AIG1: variants seen among roughly 807,000 people sequenced by gnomAD.
AIG1 encodes the protein androgen induced 1.
AIG1 carries 23 observed loss-of-function variants against 31.4 expected under a neutral mutation model. The ratio of observed to expected loss-of-function variants is 0.73; its 90% CI spans 0.53 to 1.04. The LOEUF (loss-of-function observed/expected upper bound fraction) is 1.04. Ranked by LOEUF, AIG1 falls within the 50% of genes least tolerant of loss-of-function variation. The pLI is 0.00. For missense variants in AIG1, 274 were observed against 295.0 expected (o/e 0.93, Z 0.52); for synonymous variants, 100 against 110.5 (o/e 0.90, Z 0.60).
chr6:143,178,262 G>A (rs889824951), intron 3 of AIG1, among the ~76,000 whole-genome samples: 1 of 152,188 alleles, frequency 6.6e-6, no homozygotes. Flanking sequence ...GTGGTGGGAT[G>A]TCCCAGGGAC....
intron 1 of AIG1, among the ~76,000 whole-genome samples, chr6:143,130,276 G>A (rs1408420675): frequency 6.6e-6 from 1 of 151,972 alleles, no homozygotes; most frequent in Non-Finnish European, 1.5e-5. Flanking sequence ...TTGAGATGCT[G>A]GCTATCCTGA....
Position 143,334,029 on chromosome 6 carries a change from A to T in AIG1, c.679+584A>T. 6.5e-7 allele frequency: 1 copy of T among 1,541,160 alleles called. No individual in the cohort carries two copies. Among genetic ancestry groups the T allele is most frequent in the Non-Finnish European group, 8.8e-7 (1 of 1,142,276 alleles). Reference sequence around the variant, plus strand: ...AAGATAATATTTCGTGGCTGGAAAAACTCTTTTAACCTGTGATTTGATTTC... The same window carrying T: ...AAGATAATATTTCGTGGCTGGAAAATCTCTTTTAACCTGTGATTTGATTTC... On this transcript the variant is annotated intron_variant, in intron 5 of 5. Coordinates refer to ENST00000357847, the MANE Select transcript of AIG1 (RefSeq NM_016108.4). The surrounding 1 kb of genome is among the most constrained non-coding windows in gnomAD (Gnocchi z 5.1).
chr6:143,290,446 C>T (rs959697547), intron 4 of AIG1, among the ~76,000 whole-genome samples: 2 of 152,200 alleles, frequency 1.3e-5, no homozygotes, highest in African/African-American at 4.8e-5. Flanking sequence ...GGGCCGCATG[C>T]GCAGTGTGTT....
chr6:143,294,010 C>G (rs937374674), intron 4 of AIG1, among the ~76,000 whole-genome samples: 1 of 152,174 alleles, frequency 6.6e-6, no homozygotes, highest in Non-Finnish European at 1.5e-5. Context: ...TAAACAGGGA[C>G]TCCTTCGATC....
intron 3 of AIG1, among the ~76,000 whole-genome samples, chr6:143,233,795 T>C (rs1233128239): frequency 6.6e-6 from 1 of 152,228 alleles, no homozygotes; most frequent in Non-Finnish European, 1.5e-5. Context: ...CAGTTCACTA[T>C]GTGCAGAAAA....
At chr6:143,287,579 C>T (rs1364835997) in intron 4 of AIG1, among the ~76,000 whole-genome samples, 2 of 151,946 alleles carry the variant, frequency 1.3e-5, no homozygotes, top group African/African-American at 4.8e-5. Context: ...TACATAAGAA[C>T]CAGCCAAGCC....
At chr6:143,074,958 C>T (rs1457181230) in intron 1 of AIG1, among the ~76,000 whole-genome samples, 1 of 152,144 alleles carries the variant, frequency 6.6e-6, no homozygotes, top group African/African-American at 2.4e-5. Flanking sequence ...CAGTGAAAAC[C>T]ACTGGGCTTG....
intron 3 of AIG1, among the ~76,000 whole-genome samples, chr6:143,267,554 C>T (rs538375556): frequency 6.6e-4 from 101 of 152,290 alleles, no homozygotes; most frequent in African/African-American, 2.2e-3. Flanking sequence ...AATAGTCTTT[C>T]TCTCATCTTT....
chr6:143,246,848 G>T (rs1794655482), intron 3 of AIG1, among the ~76,000 whole-genome samples: 1 of 152,190 alleles, frequency 6.6e-6, no homozygotes, highest in African/African-American at 2.4e-5. Context: ...TGCTAGTTCA[G>T]GGGTTCCCAA....
chr6:143,101,238 G>A (rs1051443866), intron 1 of AIG1, among the ~76,000 whole-genome samples: 3 of 151,948 alleles, frequency 2.0e-5, no homozygotes, highest in South Asian at 4.2e-4. Context: ...GTAGCATCTC[G>A]GAGACCACTG....
chr6:143,339,532 G>A lies in AIG1; in HGVS notation c.680-107G>A, dbSNP rs1046031193. 1.2e-5 allele frequency: 14 copies of A among 1,146,016 alleles called. No individual in the cohort carries two copies. The South Asian group carries it at 1.8e-4, about 15-fold the overall frequency. 71.0% of individuals were successfully genotyped at this position (1,146,016 alleles called of 1,614,324 possible). ...TGTGTCAGGAGGGTGAATGGGAGAA[G>A]TGAGGGCAGATGAGTGGATGTGTGA... On this transcript the variant is annotated intron_variant, in intron 5 of 5. Transcript: ENST00000357847.
intron 3 of AIG1, among the ~76,000 whole-genome samples, chr6:143,200,557 G>T (rs185834564): frequency 6.6e-6 from 1 of 151,976 alleles, no homozygotes; most frequent in Non-Finnish European, 1.5e-5. Context: ...TCTTTCAACC[G>T]ACTCTGAATC....
chr6:143,116,509 T>A (rs1781751489), intron 1 of AIG1, among the ~76,000 whole-genome samples: 1 of 151,702 alleles, frequency 6.6e-6, no homozygotes. Flanking sequence ...TGACGAAGGA[T>A]GTAAAAACTG....
intron 1 of AIG1, among the ~76,000 whole-genome samples, chr6:143,087,989 G>A (rs1778958159): frequency 6.6e-6 from 1 of 152,144 alleles, no homozygotes; most frequent in Non-Finnish European, 1.5e-5. Context: ...ATAAAATTCA[G>A]TGATATCAGG....
chr6:143,279,760 C>T lies in AIG1; in HGVS notation c.400-4350C>T, dbSNP rs1290538337. Among the ~76,000 whole-genome samples the T allele has an allele frequency of 6.6e-6, 1 of 152,110 alleles. No individual in the cohort carries two copies. Among genetic ancestry groups the T allele is most frequent in the Non-Finnish European group, 1.5e-5 (1 of 68,016 alleles). On this transcript the variant is annotated intron_variant, in intron 3 of 5. Transcript: ENST00000357847. The surrounding 1 kb of genome is among the most constrained non-coding windows in gnomAD (Gnocchi z 5.4). ...AATAAATCAGGATAGATTTAGGCTT[C>T]GTTTTTTGGACACAATCTTCCAAAT...
chr6:143,073,312 A>G (rs1374365230), intron 1 of AIG1, among the ~76,000 whole-genome samples: 1 of 152,242 alleles, frequency 6.6e-6, no homozygotes, highest in Non-Finnish European at 1.5e-5. Context: ...GGCTATTGTG[A>G]ATGATGCTGC....
rs187066177 is a variant in AIG1, at chr6:143,268,012, T to C, written c.400-16098T>C. ...AAATGTCAGGTTTCTTTGATTTGGCTGAACTCTGTGAGCACAATGTTGTAA... is the reference window on the plus strand; with the variant it reads ...AAATGTCAGGTTTCTTTGATTTGGCCGAACTCTGTGAGCACAATGTTGTAA... On this transcript the variant is annotated intron_variant, in intron 3 of 5. Transcript: ENST00000357847. This position sits in a 1 kb window ranked among gnomAD's most constrained non-coding sequence, Gnocchi z 5.0. 6.6e-6 allele frequency among the ~76,000 whole-genome samples: 1 copy of C among 152,348 alleles called. No homozygotes were observed. Among genetic ancestry groups the C allele is most frequent in the African/African-American group, 2.4e-5 (1 of 41,582 alleles).
At chr6:143,222,545 A>G (rs979315105) in intron 3 of AIG1, among the ~76,000 whole-genome samples, 1 of 152,322 alleles carries the variant, frequency 6.6e-6, no homozygotes. Context: ...AGCAAATGAC[A>G]TTGACCTTCC....
chr6:143,077,706 C>T (rs1333305782), intron 1 of AIG1, among the ~76,000 whole-genome samples: 1 of 152,186 alleles, frequency 6.6e-6, no homozygotes, highest in African/African-American at 2.4e-5. Flanking sequence ...TGCTGAGCTT[C>T]TTGAATCTCC....
Sources: allele counts gnomAD v4.1 joint callset (sites outside exome capture counted in the v4.1 genomes callset), GRCh38; gene constraint gnomAD v4.1.1; non-coding constraint Gnocchi (gnomAD v3.1); transcripts MANE v1.5; gene names NCBI Gene and HGNC (gene_info 2026-07-23, HGNC 2026-07-21).